The following INPP5B variants were observed in gnomAD, a reference collection of about 807,000 sequenced individuals.
INPP5B encodes the protein type II inositol 1,4,5-trisphosphate 5-phosphatase.
INPP5B carries 90 observed loss-of-function variants against 118.5 expected under a neutral mutation model. The ratio of observed to expected loss-of-function variants is 0.76; its 90% CI spans 0.64 to 0.90. The LOEUF is 0.90. INPP5B is among the 40% of genes least tolerant of loss of function. The pLI, the probability that INPP5B is intolerant of heterozygous loss-of-function variation, is 0.00. For missense variants in INPP5B, 984 were observed against 1,125.6 expected, an observed-to-expected ratio of 0.87 and a Z score of 1.80; for synonymous variants, 385 against 418.9, an observed-to-expected ratio of 0.92 and a Z score of 0.99.
chr1:37,868,473 C>G (rs1642188520), intron 20 of INPP5B, 28 bp downstream of exon 20: 2 of 1,492,350 alleles, frequency 1.3e-6, no homozygotes, highest in Admixed American at 3.3e-5. Flanking sequence ...TGGCCTCAAT[C>G]AGGTCTGAAT....
chr1:37,932,025 T>C lies in INPP5B; in HGVS notation c.420A>G (p.Glu140=), dbSNP rs1221403138. The C allele has an allele frequency of 1.1e-5, 17 of 1,602,948 alleles. No homozygotes were observed. The highest frequency in any genetic ancestry group is 1.4e-5 in the Non-Finnish European group (17 of 1,173,268). The change falls in exon 7 of 24, where the codon GAA becomes GAG. Residue 140 remains glutamate (E), a synonymous_variant. Transcript: ENST00000373024. ...ACCTATACCGAGACAGCCACAGGAA[T>C]TCAGGATCCCGGGTCGCAGAATCGA... ...PGFDSATRDP[E]FLWLSRYRCA...
At chr1:37,932,363 C>CTTTTTTTTTTTTTTTTTT (rs58150703) in intron 6 of INPP5B, among the ~76,000 whole-genome samples, 4 of 87,808 alleles carry the variant, frequency 4.6e-5, no homozygotes, top group African/African-American at 1.3e-4. Context: ...CTTTTCTTTT[C>CTTTTTTTTTTTTTTTTTT]TTTTTTTTTT....
At chr1:37,938,109 A>G (rs1645768343) in intron 6 of INPP5B, among the ~76,000 whole-genome samples, 1 of 151,610 alleles carries the variant, frequency 6.6e-6, no homozygotes, top group South Asian at 2.1e-4. Flanking sequence ...TGTCTCTACT[A>G]AAGATACAAA....
chr1:37,895,502 C>CT, intron 7 of INPP5B, among the ~76,000 whole-genome samples: 1 of 151,688 alleles, frequency 6.6e-6, no homozygotes, highest in Middle Eastern at 3.4e-3. Context: ...CCTCCCCCTC[C>CT]CTCTCTCTCT....
rs1557653468 is a variant in INPP5B, at chr1:37,889,724, T to C, written c.630A>G (p.Arg210=). Residue 210 remains arginine (R), a splice_region_variant and synonymous_variant, in exon 9 of 24, where the codon AGA becomes AGG. Transcript: ENST00000373024. Reference sequence around the variant, plus strand: ...TAATTTCGGACTTGGATTTATTCTGTCTGGAAAAACAGAAGTATTTTTTTC... The same window carrying C: ...TAATTTCGGACTTGGATTTATTCTGCCTGGAAAAACAGAAGTATTTTTTTC... ...GQDKPESLQP[R]QNKSKSEITD... is the part of the protein sequence containing the mutation. The C allele has an allele frequency of 1.2e-6, 2 of 1,606,080 alleles. No individual in the cohort carries two copies. Among genetic ancestry groups the C allele is most frequent in the Non-Finnish European group, 1.7e-6 (2 of 1,176,242 alleles).
intron 7 of INPP5B, among the ~76,000 whole-genome samples, chr1:37,912,103 C>T (rs929755523): frequency 6.6e-6 from 1 of 152,182 alleles, no homozygotes; most frequent in African/African-American, 2.4e-5. Flanking sequence ...AGGAAATTCG[C>T]TAGGCTGCTC....
intron 16 of INPP5B, 32 bp from the exon 17 acceptor site, chr1:37,875,748 T>C: frequency 1.3e-6 from 2 of 1,530,444 alleles, no homozygotes. Context: ...CTGAGTACCT[T>C]GGCTTCTGCC....
At chr1:37,945,921 C>G in intron 2 of INPP5B, 71 bp from the exon 3 acceptor site, 5 of 1,368,540 alleles carry the variant, frequency 3.7e-6, no homozygotes, top group Non-Finnish European at 5.2e-6. Flanking sequence ...CCCACCTTCC[C>G]TCTGTTCCCC....
Position 37,915,957 on chromosome 1 carries a change from T to C in INPP5B, c.532+15956A>G, listed in dbSNP as rs1049582545. Among the ~76,000 whole-genome samples, 22 of 152,358 alleles carry C rather than the reference T, an allele frequency of 1.4e-4. No individual in the cohort carries two copies. In the East Asian group the frequency reaches 3.5e-3, roughly 24 times the overall value. ...TAGTTAACTTGAGGGTATCCCTCAC[T>C]GCATGACCAAGAGGTGTTCTAGAAG... On this transcript the variant is annotated intron_variant, in intron 7 of 23. Transcript: ENST00000373024.
intron 13 of INPP5B, 104 bp from the exon 14 acceptor site, chr1:37,883,022 G>C (rs1002241201): frequency 6.7e-7 from 1 of 1,493,318 alleles, no homozygotes. Context: ...CTCTTGGGAG[G>C]TGGGTGGGAA....
intron 6 of INPP5B, among the ~76,000 whole-genome samples, chr1:37,933,959 ACT>A (rs1361229361): frequency 6.8e-6 from 1 of 147,984 alleles, no homozygotes; most frequent in East Asian, 2.0e-4. Flanking sequence ...TTTGGGACAA[ACT>A]CTTGCTCTGT....
intron 6 of INPP5B, among the ~76,000 whole-genome samples, chr1:37,939,408 A>G (rs1261950097): frequency 1.3e-5 from 2 of 151,528 alleles, no homozygotes; most frequent in East Asian, 3.9e-4. Context: ...CAGGCATTCA[A>G]AGCTCTATAA....
At chr1:37,867,557 T>TA (rs886265780) in intron 20 of INPP5B, among the ~76,000 whole-genome samples, 4 of 152,058 alleles carry the variant, frequency 2.6e-5, no homozygotes, top group African/African-American at 9.7e-5. Context: ...GGCAATGCTG[T>TA]AAAAAACACT....
chr1:37,882,703 T>C (rs1360786383), intron 14 of INPP5B, 104 bp downstream of exon 14: 12 of 792,416 alleles, frequency 1.5e-5, no homozygotes, highest in Non-Finnish European at 2.5e-5. Flanking sequence ...CAGGGAAACC[T>C]CCCAAGCCAA....
intron 11 of INPP5B, 150 bp downstream of exon 11, chr1:37,887,201 C>T (rs558401745): frequency 4.5e-5 from 32 of 718,232 alleles, no homozygotes; most frequent in Non-Finnish European, 4.1e-5. Context: ...CTTTCCCACC[C>T]GGAGGCACCC....
chr1:37,910,415 A>C (rs895603446), intron 7 of INPP5B, among the ~76,000 whole-genome samples: 1 of 152,076 alleles, frequency 6.6e-6, no homozygotes, highest in African/African-American at 2.4e-5. Context: ...TATTAGGTTG[A>C]GACATTTTAA....
At chr1:37,899,982 A>G (rs561112012) in intron 7 of INPP5B, among the ~76,000 whole-genome samples, 27 of 151,260 alleles carry the variant, frequency 1.8e-4, no homozygotes, top group South Asian at 1.7e-3. Flanking sequence ...CCAGAGTGCT[A>G]GGATTACAGG....
chr1:37,888,368 G>C (rs191884956), intron 9 of INPP5B, 24 bp from the exon 10 acceptor site: 4 of 1,433,172 alleles, frequency 2.8e-6, no homozygotes, highest in East Asian at 2.5e-5. Context: ...GAAATAATTA[G>C]TGACTCCGAA....
intron 7 of INPP5B, among the ~76,000 whole-genome samples, chr1:37,926,429 G>A (rs1283555413): frequency 2.0e-5 from 3 of 152,034 alleles, no homozygotes; most frequent in Admixed American, 1.3e-4. Flanking sequence ...GGATACAGGC[G>A]CACGCCACCA....
Sources: gnomAD v4.1 joint callset for allele counts (sites outside exome capture counted in the v4.1 genomes callset) on GRCh38, gnomAD v4.1.1 for gene constraint, MANE v1.5 for transcripts, NCBI Gene and HGNC (gene_info 2026-07-23, HGNC 2026-07-21) for gene names.